The following DNAJB1 variants were observed in gnomAD, a reference collection of about 807,000 sequenced individuals.
The protein encoded by DNAJB1 is DnaJ heat shock protein family (Hsp40) member B1, also known as dnaJ homolog subfamily B member 1.
DNAJB1 carries 14 observed loss-of-function variants against 24.0 expected under a neutral mutation model. That is an observed-to-expected ratio of 0.58 (90% CI 0.39 to 0.91). The LOEUF is 0.91. Among genes scored for constraint, DNAJB1 ranks in the 40% least tolerant of loss-of-function variants. The pLI, the probability that DNAJB1 is intolerant of heterozygous loss-of-function variation, is 0.00. For missense variants in DNAJB1, 517 were observed against 458.1 expected, an observed-to-expected ratio of 1.13 and a Z score of -1.17; for synonymous variants, 262 against 174.4, an observed-to-expected ratio of 1.50 and a Z score of -3.96.
upstream of DNAJB1, among the ~76,000 whole-genome samples, chr19:14,555,034 C>T (rs2073669521): frequency 6.6e-6 from 1 of 151,700 alleles, no homozygotes; most frequent in Non-Finnish European, 1.5e-5. Context: ...ACGTCCGCCT[C>T]CCAGAGTGCT....
chr19:14,530,157 G>C (rs996379804), upstream of DNAJB1: 2 of 198,846 alleles, frequency 1.0e-5, no homozygotes, highest in African/African-American at 4.7e-5. Context: ...CCCTTCCCTC[G>C]CCCGGGACGT....
upstream of DNAJB1, chr19:14,518,415 G>T (rs538219120): frequency 7.0e-7 from 1 of 1,433,284 alleles, no homozygotes; most frequent in East Asian, 2.5e-5. Context: ...ACCAGTCCCG[G>T]ACTCTATATA....
Position 14,516,795 on chromosome 19 carries a change from G to A in DNAJB1, c.463C>T (p.Pro155Ser), listed in dbSNP as rs2072272194. Residue 155 changes from proline to serine, a missense_variant, in exon 2 of 3, where the codon CCC becomes TCC. Transcript: ENST00000254322. ...GGGGGATCTTGCTTCTTTCGGGCGG[G>A]CTCTTGGGCAGAGCGGGAGCGGCCA... ...NFGRSRSAQEPARKKQDPPVT... is the reference protein window; with the variant it reads ...NFGRSRSAQESARKKQDPPVT... 3 of 1,613,736 alleles carry A rather than the reference G, an allele frequency of 1.9e-6. No individual in the cohort carries two copies. Among genetic ancestry groups the A allele is most frequent in the African/African-American group, 1.3e-5 (1 of 74,918 alleles).
At position 14,515,775 on chromosome 19, in the gene DNAJB1, G is replaced by C. The variant is rs1459723083; in HGVS notation, c.*165C>G. On this transcript the variant is annotated 3_prime_UTR_variant, in exon 3 of 3. Transcript: ENST00000254322. ...TAGCTCGAAAAACCACTGAAGTCTA[G>C]TGTGCGACTTTGAAAGATTGTAATA... 1.4e-5 allele frequency: 9 copies of C among 663,246 alleles called. No homozygotes were observed. The highest frequency in any genetic ancestry group is 1.3e-4 in the African/African-American group (7 of 53,800). The allele number at this position is 663,246 out of a possible 1,614,324, so 41.1% of individuals were successfully genotyped here. A position where few individuals can be genotyped will look rare whatever the true frequency, so the allele number is the denominator to read the frequency against.
chr19:14,525,614 G>A (rs375693661), intron 2 of DNAJB1, among the ~76,000 whole-genome samples: 2 of 152,300 alleles, frequency 1.3e-5, no homozygotes, highest in African/African-American at 4.8e-5. Context: ...AAAGGCAAAA[G>A]TATCAGGACA....
chr19:14,552,506 T>C (rs1376133032), upstream of DNAJB1, among the ~76,000 whole-genome samples: 5 of 151,700 alleles, frequency 3.3e-5, no homozygotes, highest in African/African-American at 1.2e-4. Context: ...CCAAGCCACG[T>C]AACAGGCATC....
upstream of DNAJB1, among the ~76,000 whole-genome samples, chr19:14,552,756 T>G (rs1280423610): frequency 6.6e-6 from 1 of 151,782 alleles, no homozygotes; most frequent in East Asian, 1.9e-4. Flanking sequence ...CAGGATGGTC[T>G]TGATCTCCTG....
intron 1 of DNAJB1, among the ~76,000 whole-genome samples, chr19:14,557,963 G>A (rs1402288594): frequency 6.6e-6 from 1 of 150,784 alleles, no homozygotes; most frequent in East Asian, 2.0e-4. Flanking sequence ...CACCGTGTTA[G>A]CCAGGATGGT....
chr19:14,517,838 C>T, intron 1 of DNAJB1: 1 of 301,232 alleles, frequency 3.3e-6, no homozygotes, highest in East Asian at 5.2e-5. Context: ...CCGTCGTCAC[C>T]CCCGGCTCCC....
chr19:14,530,144 G>T (rs568091425), upstream of DNAJB1: 46 of 221,836 alleles, frequency 2.1e-4, no homozygotes, highest in Non-Finnish European at 3.5e-4. Context: ...ACGACCTTTG[G>T]ACCCCTTCCC....
At chr19:14,521,542 G>C (rs1030656191), upstream of DNAJB1, among the ~76,000 whole-genome samples, 8 of 152,074 alleles carry the variant, frequency 5.3e-5, no homozygotes, top group Admixed American at 6.6e-5. Context: ...CACTGCGGAA[G>C]GGATGTCTTT....
chr19:14,526,460 G>A (rs1433556522), intron 2 of DNAJB1, among the ~76,000 whole-genome samples: 2 of 152,186 alleles, frequency 1.3e-5, no homozygotes, highest in Non-Finnish European at 2.9e-5. Context: ...GGTTCCTCAA[G>A]CCTGCAACAC....
chr19:14,517,914 GC>G (rs2072302491), intron 1 of DNAJB1: 1 of 433,488 alleles, frequency 2.3e-6, no homozygotes, highest in African/African-American at 2.1e-5. Context: ...GGGAGGGGCA[GC>G]CCCAGACATG....
intron 1 of DNAJB1, among the ~76,000 whole-genome samples, chr19:14,559,710 C>G (rs982614859): frequency 1.3e-5 from 2 of 151,924 alleles, no homozygotes; most frequent in Non-Finnish European, 2.9e-5. Context: ...TCGTTTGAAC[C>G]TGGGGGGCGG....
upstream of DNAJB1, chr19:14,530,349 C>G (rs182463991): frequency 6.5e-6 from 1 of 154,030 alleles, no homozygotes; most frequent in South Asian, 1.9e-4. Flanking sequence ...TGACTCCTAA[C>G]TTGGGTCTCT....
chr19:14,550,031 C>T (rs116555863), intron 1 of DNAJB1, among the ~76,000 whole-genome samples: 3,176 of 152,032 alleles, frequency 0.021, 48 homozygotes, highest in Non-Finnish European at 0.023. Context: ...CTTTCCATGT[C>T]GCACGTCACC....
chr19:14,533,510 C>T (rs951903226), upstream of DNAJB1, among the ~76,000 whole-genome samples: 1 of 152,088 alleles, frequency 6.6e-6, no homozygotes, highest in African/African-American at 2.4e-5. Context: ...AAGGTTGGCC[C>T]CTGGAGAGAC....
chr19:14,519,926 C>T (rs1434940398), upstream of DNAJB1, among the ~76,000 whole-genome samples: 1 of 151,992 alleles, frequency 6.6e-6, no homozygotes, highest in Non-Finnish European at 1.5e-5. Flanking sequence ...TGGGAAGGGC[C>T]CAGGGAAGTG....
At chr19:14,534,346 G>T (rs1214583979), upstream of DNAJB1, among the ~76,000 whole-genome samples, 2 of 146,948 alleles carry the variant, frequency 1.4e-5, no homozygotes, top group Admixed American at 6.8e-5. Context: ...GGATGGTCTC[G>T]ATCTCCTGAC....
Sources: allele counts gnomAD v4.1 joint callset (sites outside exome capture counted in the v4.1 genomes callset), GRCh38; gene constraint gnomAD v4.1.1; transcripts MANE v1.5; gene names NCBI Gene and HGNC (gene_info 2026-07-23, HGNC 2026-07-21).